Variants in DIMT1 observed in about 807,000 individuals in gnomAD.
DIMT1 encodes the protein dimethyladenosine transferase.
DIMT1 carries 36 observed loss-of-function variants against 43.2 expected under a neutral mutation model. The ratio of observed to expected loss-of-function variants is 0.83; its 90% CI spans 0.64 to 1.10. The LOEUF is 1.10. Among genes scored for constraint, DIMT1 ranks in the 50% least tolerant of loss-of-function variants. The pLI is 0.00. For synonymous variants in DIMT1, 126 were observed against 130.3 expected, an observed-to-expected ratio of 0.97 and a Z score of 0.22; for missense variants, 341 against 385.3, an observed-to-expected ratio of 0.88 and a Z score of 0.96.
At chr5:62,390,814 T>A (rs1381845690) in intron 11 of DIMT1, 62 bp downstream of exon 11, 36 of 1,379,722 alleles carry the variant, frequency 2.6e-5, no homozygotes, top group Non-Finnish European at 3.4e-5. Context: ...CTTTAAAATC[T>A]CCAATCTGAA....
intron 10 of DIMT1, chr5:62,391,360 CAA>C (rs1041286083): frequency 1.7e-5 from 3 of 173,794 alleles, no homozygotes; most frequent in African/African-American, 7.2e-5. Context: ...TCATTTTTCT[CAA>C]AGAGGTGACC....
chr5:62,401,744 G>A (rs975873789), intron 3 of DIMT1, among the ~76,000 whole-genome samples: 2 of 151,208 alleles, frequency 1.3e-5, no homozygotes, highest in Admixed American at 6.6e-5. Flanking sequence ...CACCACACTC[G>A]GCTAATTTTT....
intron 8 of DIMT1, 88 bp from the exon 9 acceptor site, chr5:62,393,078 T>C: frequency 1.2e-6 from 1 of 807,352 alleles, no homozygotes. Context: ...TTTTAATATA[T>C]ACAATTGAAG....
Position 62,393,942 on chromosome 5 carries a change from A to G in DIMT1, c.663+13T>C, listed in dbSNP as rs1357780507. 1.2e-6 allele frequency: 2 copies of G among 1,603,864 alleles called. No homozygotes were observed. The highest frequency in any genetic ancestry group is 4.5e-5 in the East Asian group (2 of 44,628). ...TTTTTCCTTTATTGAATGAGCTAGTATTTTAACCTCACCTGAAAATTGATG... is the reference window on the plus strand; with the variant it reads ...TTTTTCCTTTATTGAATGAGCTAGTGTTTTAACCTCACCTGAAAATTGATG... On this transcript the variant is annotated intron_variant, in intron 8 of 11. Transcript: ENST00000199320.
At position 62,396,139 on chromosome 5, in the gene DIMT1, G is replaced by GTT. The variant is rs758847833; in HGVS notation, c.447-1534_447-1533dup. Among the ~76,000 whole-genome samples, 14 of 116,756 alleles carry GTT rather than the reference G, an allele frequency of 1.2e-4. 1 individual carries two copies. The highest frequency in any genetic ancestry group is 2.2e-4 in the African/African-American group (6 of 27,746). 76.6% of individuals were successfully genotyped at this position (116,756 alleles called of 152,430 possible). A position where few individuals can be genotyped will look rare whatever the true frequency, so the allele number is the denominator to read the frequency against. On this transcript the variant is annotated intron_variant, in intron 6 of 11. Transcript: ENST00000199320. ...GGGGAATTTAGCCATGTCACTGCAG[G>GTT]TTTTTTTTTTTTACATTATTAACTG...
rs1580116055 is a variant in DIMT1 at position 62,388,599 on chromosome 5, G to A, written c.*411C>T. On this transcript the variant is annotated 3_prime_UTR_variant, in exon 12 of 12. Coordinates refer to ENST00000199320, the MANE Select transcript of DIMT1 (RefSeq NM_014473.4). Reference sequence around the variant, plus strand: ...ACGGGGAATGTGAATAACACGAAATGGTATGGGGAATGTGTGACTAGTGAA... The same window carrying A: ...ACGGGGAATGTGAATAACACGAAATAGTATGGGGAATGTGTGACTAGTGAA... The A allele has an allele frequency of 6.0e-6, 1 of 165,888 alleles. No individual in the cohort carries two copies. The highest frequency in any genetic ancestry group is 1.8e-4 in the East Asian group (1 of 5,560). 10.3% of individuals were successfully genotyped at this position (165,888 alleles called of 1,614,324 possible). A position where few individuals can be genotyped will look rare whatever the true frequency, so the allele number is the denominator to read the frequency against.
chr5:62,393,082 A>G, intron 8 of DIMT1, 92 bp from the exon 9 acceptor site: 1 of 748,158 alleles, frequency 1.3e-6, no homozygotes, highest in Non-Finnish European at 2.1e-6. Flanking sequence ...AATATATACA[A>G]TTGAAGGAAA....
chr5:62,390,240 C>A (rs912646851), intron 11 of DIMT1, among the ~76,000 whole-genome samples: 8 of 152,242 alleles, frequency 5.3e-5, no homozygotes, highest in African/African-American at 1.9e-4. Flanking sequence ...TTAGTAATTA[C>A]CTGGGTAATT....
intron 6 of DIMT1, among the ~76,000 whole-genome samples, chr5:62,397,523 A>T (rs1039352836): frequency 1.3e-4 from 20 of 152,176 alleles, no homozygotes; most frequent in Admixed American, 3.9e-4. Flanking sequence ...AACAAGATGA[A>T]TGTTTTCCCA....
At chr5:62,392,291 A>C in intron 9 of DIMT1, 57 bp from the exon 10 acceptor site, 2 of 1,445,860 alleles carry the variant, frequency 1.4e-6, no homozygotes, top group South Asian at 2.5e-5. Flanking sequence ...GTAATTTCTT[A>C]CTTTTTTAAA....
intron 7 of DIMT1, 83 bp downstream of exon 7, chr5:62,394,401 G>A (rs1341061909): frequency 7.7e-6 from 11 of 1,420,652 alleles, no homozygotes; most frequent in South Asian, 1.2e-5. Flanking sequence ...GGCAGAGATC[G>A]CAGTGAGCCA....
chr5:62,391,245 G>C (rs1449925268), intron 10 of DIMT1: 2 of 338,576 alleles, frequency 5.9e-6, no homozygotes, highest in Admixed American at 8.8e-5. Context: ...ATAGTTATTA[G>C]TTTCAGACTT....
chr5:62,392,813 T>C, intron 9 of DIMT1, 113 bp downstream of exon 9: 1 of 609,318 alleles, frequency 1.6e-6, no homozygotes, highest in East Asian at 3.0e-5. Flanking sequence ...GTGAAGTTTG[T>C]CTGGACCCAT....
At chr5:62,390,334 A>G (rs1347121792) in intron 11 of DIMT1, among the ~76,000 whole-genome samples, 3 of 152,230 alleles carry the variant, frequency 2.0e-5, no homozygotes, top group African/African-American at 4.8e-5. Context: ...CTAGATAATT[A>G]TGACAGCTTT....
intron 6 of DIMT1, among the ~76,000 whole-genome samples, chr5:62,396,699 T>A (rs1742509176): frequency 6.6e-6 from 1 of 152,058 alleles, no homozygotes; most frequent in African/African-American, 2.4e-5. Context: ...CTCAAAACAC[T>A]CTTGTAATAA....
chr5:62,401,955 T>C (rs1251814408), intron 3 of DIMT1, 81 bp downstream of exon 3: 26 of 1,354,008 alleles, frequency 1.9e-5, no homozygotes, highest in Non-Finnish European at 2.7e-5. Flanking sequence ...TAGCAATTAG[T>C]TAAAACATAT....
At position 62,387,542 on chromosome 5, in the gene DIMT1, A is replaced by G. The variant is rs1312905661; in HGVS notation, c.*1468T>C. The stretch of plus-strand genomic sequence containing the variant: ...CAGGTATTTTAAAAATTAGTACCAG[A>G]AAAGATACTGGAGGTAATATAATAC... On this transcript the variant is annotated 3_prime_UTR_variant, in exon 12 of 12. Transcript: ENST00000199320. 1.3e-5 allele frequency: 2 copies of G among 152,162 alleles called. No homozygotes were observed. Among genetic ancestry groups the G allele is most frequent in the Non-Finnish European group, 2.9e-5 (2 of 68,000 alleles). The allele number at this position is 152,162 out of a possible 1,614,324, so 9.4% of individuals were successfully genotyped here. A position where few individuals can be genotyped will look rare whatever the true frequency, so the allele number is the denominator to read the frequency against.
intron 6 of DIMT1, among the ~76,000 whole-genome samples, chr5:62,395,564 GAT>G (rs1742456073): frequency 6.6e-6 from 1 of 151,548 alleles, no homozygotes; most frequent in African/African-American, 2.4e-5. Context: ...AATGCCCTGT[GAT>G]ATATTCTATT....
At position 62,403,812 on chromosome 5, in the gene DIMT1, A is replaced by T. The variant is rs748926511; in HGVS notation, c.-40T>A. On this transcript the variant is annotated 5_prime_UTR_variant, in exon 1 of 12. Transcript: ENST00000199320. Reference sequence around the variant, plus strand: ...GGCCCACAGGCCCGGGACGTCAAGGAGGACCAAAGAGGGCTAGCGTGAGAA... The same window carrying T: ...GGCCCACAGGCCCGGGACGTCAAGGTGGACCAAAGAGGGCTAGCGTGAGAA... The T allele has an allele frequency of 3.1e-6, 5 of 1,591,612 alleles. No homozygotes were observed. The South Asian group carries it at 3.4e-5, about 11-fold the overall frequency.
Sources: gnomAD v4.1 joint callset for allele counts (sites outside exome capture counted in the v4.1 genomes callset) on GRCh38, gnomAD v4.1.1 for gene constraint, MANE v1.5 for transcripts, NCBI Gene and HGNC (gene_info 2026-07-23, HGNC 2026-07-21) for gene names.